Variants in TBC1D22A observed in about 807,000 individuals in gnomAD.
The protein encoded by TBC1D22A is TBC1 domain family member 22A, also known as putative GTPase activator.
A neutral mutation model predicts 60.2 loss-of-function variants in TBC1D22A; 38 were observed. The ratio of observed to expected loss-of-function variants is 0.63; its 90% CI spans 0.49 to 0.83. The LOEUF (loss-of-function observed/expected upper bound fraction) is 0.83, where lower values mean the gene tolerates loss of function less well. TBC1D22A is among the 40% of genes least tolerant of loss of function. The pLI, the probability that TBC1D22A is intolerant of heterozygous loss-of-function variation, is 0.00. For synonymous variants in TBC1D22A, 302 were observed against 281.7 expected, an observed-to-expected ratio of 1.07 and a Z score of -0.72; for missense variants, 628 against 701.0, an observed-to-expected ratio of 0.90 and a Z score of 1.18.
intron 8 of TBC1D22A, among the ~76,000 whole-genome samples, chr22:46,951,223 T>A (rs1196514383): frequency 6.6e-6 from 1 of 152,206 alleles, no homozygotes; most frequent in Non-Finnish European, 1.5e-5. Context: ...TGAAGTAAAA[T>A]CACAAAGTAC....
At chr22:46,911,602 A>AT (rs534456431) in intron 7 of TBC1D22A, among the ~76,000 whole-genome samples, 1,666 of 152,046 alleles carry the variant, frequency 0.011, 34 homozygotes, top group African/African-American at 0.038. Context: ...ACAATAAATA[A>AT]TTTTTTTTAA....
intron 12 of TBC1D22A, among the ~76,000 whole-genome samples, chr22:47,164,789 C>G (rs9626954): frequency 0.2 from 30,841 of 152,236 alleles, 3,948 homozygotes; most frequent in African/African-American, 0.36. Context: ...TTCATCTCAG[C>G]TGGTCCCATT....
rs114012832 is a variant in TBC1D22A at position 47,150,803 on chromosome 22, G to A, written c.1426-22695G>A. 1.4e-3 allele frequency among the ~76,000 whole-genome samples: 215 copies of A among 151,898 alleles called. 1 individual carries two copies. Among genetic ancestry groups the A allele is most frequent in the African/African-American group, 5.0e-3 (207 of 41,414 alleles). On this transcript the variant is annotated intron_variant, in intron 12 of 12. Coordinates refer to ENST00000337137, the MANE Select transcript of TBC1D22A (RefSeq NM_014346.5). The stretch of plus-strand genomic sequence containing the variant: ...CCCCAGCATCGTCCCCTGCACCCAC[G>A]GGGCTCCCGTGCGTGTGACCCTCCC...
At chr22:46,792,792 C>T (rs746248512) in intron 2 of TBC1D22A, 1 of 1,459,120 alleles carries the variant, frequency 6.9e-7, no homozygotes, top group South Asian at 1.4e-5. Flanking sequence ...GAGCCACAGC[C>T]TGATGTGGGG....
At chr22:46,825,356 C>T (rs143156473) in intron 4 of TBC1D22A, among the ~76,000 whole-genome samples, 105 of 152,274 alleles carry the variant, frequency 6.9e-4, no homozygotes, top group African/African-American at 2.2e-3. Flanking sequence ...CACAGGGGAC[C>T]CGCAATGGCT....
In TBC1D22A at chr22:47,121,502, C is replaced by T. The variant is rs4823592; in HGVS notation, c.1425+9899C>T. ...CATCTTCAAGTAATATTTACTGAAACGAGCAAATGTTTTCATTGCGTTTCT... is the reference window on the plus strand; with the variant it reads ...CATCTTCAAGTAATATTTACTGAAATGAGCAAATGTTTTCATTGCGTTTCT... On this transcript the variant is annotated intron_variant, in intron 12 of 12. Transcript: ENST00000337137. Among the ~76,000 whole-genome samples, 710 of 152,138 alleles carry T rather than the reference C, an allele frequency of 4.7e-3. 20 individuals carry two copies. The East Asian group carries it at 0.059, about 13-fold the overall frequency.
At chr22:47,165,514 G>A (rs1023818320) in intron 12 of TBC1D22A, among the ~76,000 whole-genome samples, 1 of 151,892 alleles carries the variant, frequency 6.6e-6, no homozygotes, top group African/African-American at 2.4e-5. Context: ...TAGCCTGCTG[G>A]GCTCTGGAGC....
rs2084620817 is a variant in TBC1D22A, at chr22:46,795,685, G to A, written c.461-1759G>A. ...ACCATATATTGATCATTTACTGTGTGGCAGGTACAGTATCAAGTCCCTGTG... is the reference window on the plus strand; with the variant it reads ...ACCATATATTGATCATTTACTGTGTAGCAGGTACAGTATCAAGTCCCTGTG... On this transcript the variant is annotated intron_variant, in intron 3 of 12. Transcript: ENST00000337137. 2.0e-5 allele frequency among the ~76,000 whole-genome samples: 3 copies of A among 152,296 alleles called. 1 individual carries two copies. The South Asian group carries it at 6.2e-4, about 32-fold the overall frequency.
chr22:47,115,365 G>A (rs1339330281), intron 12 of TBC1D22A, among the ~76,000 whole-genome samples: 2 of 127,034 alleles, frequency 1.6e-5, no homozygotes. Flanking sequence ...CCCACCCCCG[G>A]CTCCACATGT....
intron 8 of TBC1D22A, among the ~76,000 whole-genome samples, chr22:46,941,208 TACACACACACAC>T (rs71315174): frequency 4.7e-5 from 4 of 84,848 alleles, no homozygotes; most frequent in East Asian, 3.3e-4. Context: ...TATATATGTA[TACACACACACAC>T]ACACACACAC....
At position 47,022,216 on chromosome 22, in the gene TBC1D22A, A is replaced by G. The variant is rs1288361454; in HGVS notation, c.1202-14855A>G. Among the ~76,000 whole-genome samples the G allele has an allele frequency of 2.0e-5, 3 of 152,212 alleles. No homozygotes were observed. The East Asian group carries it at 5.8e-4, about 29-fold the overall frequency. On this transcript the variant is annotated intron_variant, in intron 10 of 12. Coordinates refer to ENST00000337137, the MANE Select transcript of TBC1D22A (RefSeq NM_014346.5). ...GCCTGTACACCCAGTGCTCTAGTTC[A>G]TGTTTTCAGGGAGCTGACTCACTCT...
chr22:47,107,571 GAGAA>G (rs1448070037), intron 11 of TBC1D22A, among the ~76,000 whole-genome samples: 1 of 152,210 alleles, frequency 6.6e-6, no homozygotes, highest in African/African-American at 2.4e-5. Context: ...CACTGGTGAA[GAGAA>G]AGAAGATCTG....
chr22:46,891,718 G>A (rs557021101), intron 6 of TBC1D22A, among the ~76,000 whole-genome samples: 1 of 152,170 alleles, frequency 6.6e-6, no homozygotes, highest in East Asian at 1.9e-4. Context: ...ACAGTGAGCT[G>A]CTGTCTGGTA....
chr22:46,976,498 C>T lies in TBC1D22A; in HGVS notation c.1125+2099C>T, dbSNP rs140164042. ...TCCTCTAGCGACTAGTGTTTACAAG[C>T]ACTGCCGCTGTTTTAAGTTCAGAGA... On this transcript the variant is annotated intron_variant, in intron 9 of 12. Coordinates refer to ENST00000337137, the MANE Select transcript of TBC1D22A (RefSeq NM_014346.5). 2.6e-3 allele frequency among the ~76,000 whole-genome samples: 395 copies of T among 152,314 alleles called. 2 individuals carry two copies. Among genetic ancestry groups the T allele is most frequent in the African/African-American group, 9.0e-3 (373 of 41,566 alleles).
chr22:46,954,624 A>T (rs546662992), intron 8 of TBC1D22A, among the ~76,000 whole-genome samples: 1 of 152,194 alleles, frequency 6.6e-6, no homozygotes, highest in South Asian at 2.1e-4. Context: ...CGCCGAGCTG[A>T]GTGATGTGGA....
At chr22:46,946,069 C>T (rs947630721) in intron 8 of TBC1D22A, among the ~76,000 whole-genome samples, 1 of 152,188 alleles carries the variant, frequency 6.6e-6, no homozygotes. Context: ...TGGCTCTTAT[C>T]GTTTCTCCCT....
intron 11 of TBC1D22A, among the ~76,000 whole-genome samples, chr22:47,042,691 C>A (rs570612358): frequency 6.6e-6 from 1 of 152,196 alleles, no homozygotes; most frequent in Admixed American, 6.5e-5. Flanking sequence ...CCTGATGGGA[C>A]CCCCATCTGT....
At chr22:47,115,160 G>A (rs560362503) in intron 12 of TBC1D22A, among the ~76,000 whole-genome samples, 31 of 149,414 alleles carry the variant, frequency 2.1e-4, no homozygotes, top group Non-Finnish European at 3.4e-4. Context: ...CCTGTCCTGA[G>A]CGCTGGGCCC....
Position 46,797,257 on chromosome 22 carries a change from C to T in TBC1D22A, c.461-187C>T, listed in dbSNP as rs889492731. On this transcript the variant is annotated intron_variant, in intron 3 of 12. Coordinates refer to ENST00000337137, the MANE Select transcript of TBC1D22A (RefSeq NM_014346.5). ...CATTTTGTTGGTGAATAATACTCTGCCAGTGAAGCGAGTGAATTTCAAAGG... is the reference window on the plus strand; with the variant it reads ...CATTTTGTTGGTGAATAATACTCTGTCAGTGAAGCGAGTGAATTTCAAAGG... 9.2e-5 allele frequency among the ~76,000 whole-genome samples: 14 copies of T among 152,190 alleles called. No individual in the cohort carries two copies. In the East Asian group the frequency reaches 1.9e-3, roughly 21 times the overall value.
Sources: gnomAD v4.1 joint callset for allele counts (sites outside exome capture counted in the v4.1 genomes callset) on GRCh38, gnomAD v4.1.1 for gene constraint, MANE v1.5 for transcripts, NCBI Gene and HGNC (gene_info 2026-07-23, HGNC 2026-07-21) for gene names.